Variants in LRRIQ1 observed in about 807,000 individuals in gnomAD.
The protein encoded by LRRIQ1 is leucine rich repeats and IQ motif containing 1, also known as leucine-rich repeat- and IQ domain-containing protein 1.
In LRRIQ1, 210 loss-of-function variants were observed where a neutral mutation model predicts 211.9. The observed-to-expected ratio is 0.99, with a 90% CI of 0.89 to 1.11. The LOEUF is 1.11. Among genes scored for constraint, LRRIQ1 ranks in the 50% most tolerant of loss-of-function variants. LRRIQ1 has a pLI of 0.00. For missense variants in LRRIQ1, 2,136 were observed against 1,939.5 expected (o/e 1.10, Z -1.90); for synonymous variants, 699 against 650.1 (o/e 1.08, Z -1.14).
Position 85,047,375 on chromosome 12 carries a change from A to C in LRRIQ1, c.583A>C (p.Arg195=). 6.2e-7 allele frequency: 1 copy of C among 1,607,404 alleles called. No homozygotes were observed. The highest frequency in any genetic ancestry group is 8.5e-7 in the Non-Finnish European group (1 of 1,174,098). Residue 195 remains arginine, a synonymous_variant, in exon 6 of 27, where the codon AGA becomes CGA. Coordinates refer to ENST00000393217, the MANE Select transcript of LRRIQ1 (RefSeq NM_001079910.2). ...EKQTLKAQRD[R]EEKQFQEEEE... ...ACAAACTCTCAAAGCTCAGAGGGAT[A>C]GAGAAGAAAAACAATTTCAAGAAGA...
chr12:85,259,449 T>C (rs1896221645), intron 1 of LRRIQ1, among the ~76,000 whole-genome samples: 1 of 152,052 alleles, frequency 6.6e-6, no homozygotes, highest in African/African-American at 2.4e-5. Flanking sequence ...CAATATGTGA[T>C]TCTCTCAGAG....
intron 7 of LRRIQ1, among the ~76,000 whole-genome samples, chr12:85,053,140 G>A (rs1880532295): frequency 6.6e-6 from 1 of 151,894 alleles, no homozygotes; most frequent in East Asian, 1.9e-4. Flanking sequence ...TTAAAGCACA[G>A]AGAAGAAAAA....
intron 4 of LRRIQ1, 115 bp downstream of exon 4, chr12:85,044,924 T>G (rs1028925276): frequency 2.3e-6 from 1 of 440,472 alleles, no homozygotes; most frequent in Non-Finnish European, 4.1e-6. Context: ...ATTAAAAATT[T>G]AATTATTCTT....
At chr12:85,095,655 G>A (rs927820320) in intron 11 of LRRIQ1, among the ~76,000 whole-genome samples, 9 of 152,058 alleles carry the variant, frequency 5.9e-5, no homozygotes, top group African/African-American at 2.2e-4. Flanking sequence ...CATCATGCAT[G>A]AGGTATGGGG....
chr12:85,047,441 GA>G lies in LRRIQ1; in HGVS notation c.653del (p.Lys218ArgfsTer4). On this transcript the variant is annotated frameshift_variant, in exon 6 of 27. Coordinates refer to ENST00000393217, the MANE Select transcript of LRRIQ1 (RefSeq NM_001079910.2). LOFTEE classifies it high-confidence loss of function. ...RHCWMKQFKV[E>X]KKKLENIQKQ... ...TTGCTGGATGAAACAATTTAAAGTT[GA>G]AAAGAAGAAATTAGAGAACATTCAG... The G allele has an allele frequency of 6.2e-7, 1 of 1,612,292 alleles. No individual in the cohort carries two copies. The highest frequency in any genetic ancestry group is 8.5e-7 in the Non-Finnish European group (1 of 1,179,372).
Position 85,229,511 on chromosome 12 carries a change from T to C in LRRIQ1, c.4823-6T>C. 5 of 1,591,288 alleles carry C rather than the reference T, an allele frequency of 3.1e-6. No individual in the cohort carries two copies. The highest frequency in any genetic ancestry group is 4.3e-6 in the Non-Finnish European group (5 of 1,173,606). On this transcript the variant is annotated splice_polypyrimidine_tract_variant and splice_region_variant and intron_variant, in intron 24 of 26. Transcript: ENST00000393217. ...AATAAGTACACGTTCCATATTTCTT[T>C]CACAGGTATAGAAGAAGACCCTATC...
downstream of LRRIQ1, among the ~76,000 whole-genome samples, chr12:85,267,942 G>T (rs558442136): frequency 6.6e-6 from 1 of 152,010 alleles, no homozygotes; most frequent in South Asian, 2.1e-4. Context: ...TAACTCAATA[G>T]CGTCAAGTGA....
chr12:85,058,982 GC>G (rs1176110246), intron 8 of LRRIQ1, among the ~76,000 whole-genome samples: 7 of 152,092 alleles, frequency 4.6e-5, no homozygotes, highest in Admixed American at 4.6e-4. Context: ...ATGTGAATGT[GC>G]CATATAGATG....
At chr12:85,113,567 A>G (rs530516787) in intron 15 of LRRIQ1, among the ~76,000 whole-genome samples, 39 of 152,302 alleles carry the variant, frequency 2.6e-4, no homozygotes, top group African/African-American at 9.1e-4. Context: ...GAACAAATAC[A>G]TTACAGTATT....
At position 85,106,431 on chromosome 12, in the gene LRRIQ1, A is replaced by G. The variant is rs1886786936; in HGVS notation, c.3284-91A>G. On this transcript the variant is annotated intron_variant, in intron 14 of 26. Coordinates refer to ENST00000393217, the MANE Select transcript of LRRIQ1 (RefSeq NM_001079910.2). ...GAAATAAAAATATTGCTTTTCTTTAATAGCAAACCAGTAAATACAGTGGTC... is the reference window on the plus strand; with the variant it reads ...GAAATAAAAATATTGCTTTTCTTTAGTAGCAAACCAGTAAATACAGTGGTC... 4 of 882,774 alleles carry G rather than the reference A, an allele frequency of 4.5e-6. No individual in the cohort carries two copies. In the Admixed American group the frequency reaches 9.8e-5, roughly 22 times the overall value. 54.7% of individuals were successfully genotyped at this position (882,774 alleles called of 1,614,324 possible).
chr12:85,155,949 T>A (rs1890519308), intron 23 of LRRIQ1, among the ~76,000 whole-genome samples: 1 of 151,634 alleles, frequency 6.6e-6, no homozygotes. Context: ...TAGAGATAAT[T>A]ATCAGGCAAA....
intron 15 of LRRIQ1, among the ~76,000 whole-genome samples, chr12:85,109,563 G>T (rs1887021073): frequency 6.6e-6 from 1 of 152,110 alleles, no homozygotes; most frequent in African/African-American, 2.4e-5. Context: ...GTGCAGCACA[G>T]ATGAAAGAGT....
Position 85,056,490 on chromosome 12 carries a change from T to C in LRRIQ1, c.1697T>C (p.Val566Ala). 6.2e-7 allele frequency: 1 copy of C among 1,610,374 alleles called. No homozygotes were observed. Among genetic ancestry groups the C allele is most frequent in the Non-Finnish European group, 8.5e-7 (1 of 1,178,734 alleles). The change falls in exon 8 of 27, where the codon GTG becomes GCG. Residue 566 changes from valine (V) to alanine (A), a missense_variant. By Grantham distance (64) the Val-to-Ala change is moderately conservative. Coordinates refer to ENST00000393217, the MANE Select transcript of LRRIQ1 (RefSeq NM_001079910.2). ...GGACATAACCAAGAAATCAGTGAGGTGAAAACCAATGAAGAGCAGAAAATA... is the reference window on the plus strand; with the variant it reads ...GGACATAACCAAGAAATCAGTGAGGCGAAAACCAATGAAGAGCAGAAAATA... ...ILGHNQEISE[V>A]KTNEEQKIIK...
chr12:85,140,391 T>TG (rs60407077), intron 19 of LRRIQ1, among the ~76,000 whole-genome samples: 42,871 of 150,992 alleles, frequency 0.28, 6,228 homozygotes, highest in Admixed American at 0.34. Context: ...CATTTTTAGT[T>TG]GATTTGTTCC....
At chr12:85,236,032 A>G (rs1895158013) in intron 26 of LRRIQ1, among the ~76,000 whole-genome samples, 1 of 152,164 alleles carries the variant, frequency 6.6e-6, no homozygotes, top group African/African-American at 2.4e-5. Flanking sequence ...TCTGTACTAT[A>G]AAGATTGGAA....
chr12:85,064,148 C>T (rs1205212651), intron 8 of LRRIQ1, among the ~76,000 whole-genome samples: 7 of 151,852 alleles, frequency 4.6e-5, no homozygotes, highest in Non-Finnish European at 1.5e-5. Context: ...TTCCCACCAA[C>T]AGTGTAAGAG....
At chr12:85,084,881 G>A (rs905348613) in intron 11 of LRRIQ1, among the ~76,000 whole-genome samples, 6 of 150,776 alleles carry the variant, frequency 4.0e-5, no homozygotes, top group African/African-American at 9.8e-5. Context: ...AGCTGAGATC[G>A]CGCCACTGCA....
At chr12:85,181,333 G>A (rs1189163319) in intron 24 of LRRIQ1, among the ~76,000 whole-genome samples, 2 of 151,796 alleles carry the variant, frequency 1.3e-5, no homozygotes, top group Non-Finnish European at 2.9e-5. Context: ...TAGAATTGCT[G>A]AGCTGGAAGA....
At chr12:85,099,021 C>G in intron 13 of LRRIQ1, 27 bp downstream of exon 13, 2 of 1,441,836 alleles carry the variant, frequency 1.4e-6, no homozygotes, top group Non-Finnish European at 1.9e-6. Context: ...GAAATAAATT[C>G]AGTGAATGAT....
Sources: gnomAD v4.1 joint callset for allele counts (sites outside exome capture counted in the v4.1 genomes callset) on GRCh38, gnomAD v4.1.1 for gene constraint, MANE v1.5 for transcripts, NCBI Gene and HGNC (gene_info 2026-07-23, HGNC 2026-07-21) for gene names.